Variants in SP4 observed in about 807,000 individuals in gnomAD.
The protein encoded by SP4 is transcription factor Sp4.
In SP4, 19 loss-of-function variants were observed where a neutral mutation model predicts 72.8. That is an observed-to-expected ratio of 0.26 (90% CI 0.18 to 0.38). The LOEUF (loss-of-function observed/expected upper bound fraction) is 0.38. Among genes scored for constraint, SP4 ranks in the 10% least tolerant of loss-of-function variants. The probability of loss-of-function intolerance (pLI) is 1.00; values close to 1 mark genes in which losing one functional copy is unlikely to be tolerated. For synonymous variants in SP4, 395 were observed against 333.1 expected (o/e 1.19, Z -2.02); for missense variants, 1,008 against 926.3 (o/e 1.09, Z -1.14).
intron 3 of SP4, among the ~76,000 whole-genome samples, chr7:21,441,718 G>A (rs1783250562): frequency 6.6e-6 from 1 of 152,168 alleles, no homozygotes; most frequent in Admixed American, 6.6e-5. Context: ...TGGTAGTGAA[G>A]TAAATGGTTA....
chr7:21,481,795 A>T, intron 4 of SP4, 129 bp from the exon 5 acceptor site: 1 of 675,302 alleles, frequency 1.5e-6, no homozygotes, highest in Non-Finnish European at 2.6e-6. Flanking sequence ...TTTGAACTAC[A>T]GTTATGGCAT....
chr7:21,492,679 C>G (rs1785011243), intron 5 of SP4, among the ~76,000 whole-genome samples: 1 of 152,196 alleles, frequency 6.6e-6, no homozygotes, highest in African/African-American at 2.4e-5. Context: ...TCAAATCAAT[C>G]ATTACACTAA....
At chr7:21,468,201 A>G (rs778534365) in intron 3 of SP4, among the ~76,000 whole-genome samples, 10 of 152,138 alleles carry the variant, frequency 6.6e-5, no homozygotes, top group Admixed American at 2.0e-4. Flanking sequence ...ACCTTATTTT[A>G]ATTACTGTAG....
chr7:21,439,523 T>G (rs975769970), intron 3 of SP4, among the ~76,000 whole-genome samples: 1 of 152,050 alleles, frequency 6.6e-6, no homozygotes, highest in African/African-American at 2.4e-5. Context: ...CCTTTTTTTT[T>G]TTTTCCATGA....
At chr7:21,482,596 T>C in intron 5 of SP4, 6 of 957,126 alleles carry the variant, frequency 6.3e-6, no homozygotes, top group Non-Finnish European at 7.5e-6. Flanking sequence ...ATTTTCTGCT[T>C]TTTTTCAAAT....
chr7:21,447,893 A>G (rs1206127132), intron 3 of SP4, among the ~76,000 whole-genome samples: 1 of 152,160 alleles, frequency 6.6e-6, no homozygotes, highest in Non-Finnish European at 1.5e-5. Flanking sequence ...CATCTTGGCT[A>G]GCCTGGGCTT....
At chr7:21,474,975 G>A (rs1322530573) in intron 3 of SP4, among the ~76,000 whole-genome samples, 1 of 152,222 alleles carries the variant, frequency 6.6e-6, no homozygotes, top group Non-Finnish European at 1.5e-5. Context: ...GGGAGAGTCA[G>A]AGGTTTAATT....
In SP4 at chr7:21,430,311, A is replaced by T; in HGVS notation, c.1146A>T (p.Gly382=). ...GCTCCAGTCAGCTTCAGCCTAATGG[A>T]ATGCAGAATGCACAGGATCAATCAA... ...AQSSSQLQPN[G]MQNAQDQSNS... is the part of the protein sequence containing the mutation. Residue 382 remains glycine (G), a synonymous_variant, in exon 3 of 6, where the codon GGA becomes GGT. Transcript: ENST00000222584. The T allele has an allele frequency of 6.2e-7, 1 of 1,614,228 alleles. No homozygotes were observed. Among genetic ancestry groups the T allele is most frequent in the East Asian group, 2.2e-5 (1 of 44,888 alleles).
chr7:21,436,627 A>G (rs554521956), intron 3 of SP4, among the ~76,000 whole-genome samples: 1 of 152,298 alleles, frequency 6.6e-6, no homozygotes, highest in African/African-American at 2.4e-5. Flanking sequence ...ATCAGAGTGT[A>G]CACATATATG....
intron 3 of SP4, among the ~76,000 whole-genome samples, chr7:21,469,247 G>T (rs1784256864): frequency 6.6e-6 from 1 of 151,956 alleles, no homozygotes; most frequent in Non-Finnish European, 1.5e-5. Context: ...GGATAATACA[G>T]AATTTTTATA....
chr7:21,498,228 CTATT>C (rs760241535), intron 5 of SP4, among the ~76,000 whole-genome samples: 19 of 151,954 alleles, frequency 1.3e-4, no homozygotes, highest in Non-Finnish European at 2.6e-4. Context: ...AATATAACAA[CTATT>C]TATATTAGTC....
intron 5 of SP4, among the ~76,000 whole-genome samples, chr7:21,486,534 G>A (rs564185539): frequency 1.8e-4 from 27 of 151,930 alleles, no homozygotes; most frequent in Admixed American, 4.6e-4. Context: ...AGTGGTTTTG[G>A]TATTTTTAGA....
chr7:21,477,109 T>C lies in SP4; in HGVS notation c.1709T>C (p.Val570Ala). The part of the protein sequence containing the change: ...GQQQGQDGVK[V>A]QQATIAPVTV... ...CAGCAAGGACAAGATGGAGTAAAAG[T>C]CCAGCAAGCTACTATAGCTCCTGTA... is the stretch of plus-strand genomic sequence containing the variant. Residue 570 changes from valine (V) to alanine (A), a missense_variant, in exon 4 of 6, where the codon GTC becomes GCC. Val to Ala is a moderately conservative substitution (Grantham distance 64). This residue lies in a region of SP4 where 893 missense variants were observed against 743.3 expected (regional missense o/e 1.20). Coordinates refer to ENST00000222584, the MANE Select transcript of SP4 (RefSeq NM_003112.5). 2 of 1,614,080 alleles carry C rather than the reference T, an allele frequency of 1.2e-6. No individual in the cohort carries two copies. The highest frequency in any genetic ancestry group is 8.5e-7 in the Non-Finnish European group (1 of 1,179,936).
At chr7:21,488,479 C>CTTTTTTTTTTT (rs59893862) in intron 5 of SP4, among the ~76,000 whole-genome samples, 9 of 133,228 alleles carry the variant, frequency 6.8e-5, no homozygotes, top group East Asian at 2.2e-4. Flanking sequence ...ACTTCCTTTC[C>CTTTTTTTTTTT]TTTTTTTTTT....
chr7:21,476,146 C>T (rs137901886), intron 3 of SP4, among the ~76,000 whole-genome samples: 2,263 of 152,016 alleles, frequency 0.015, 63 homozygotes, highest in East Asian at 0.12. Flanking sequence ...TGGTGGCACA[C>T]GCCTGTCATC....
chr7:21,451,254 G>A (rs1477699501), intron 3 of SP4, among the ~76,000 whole-genome samples: 1 of 152,174 alleles, frequency 6.6e-6, no homozygotes, highest in African/African-American at 2.4e-5. Context: ...GATCTTATCA[G>A]GAAGCTGCTG....
intron 3 of SP4, among the ~76,000 whole-genome samples, chr7:21,457,792 T>C (rs577346646): frequency 6.6e-6 from 1 of 152,090 alleles, no homozygotes; most frequent in African/African-American, 2.4e-5. Context: ...TGTGTATGCA[T>C]GTGTGTGTTT....
chr7:21,474,593 G>A (rs542659053), intron 3 of SP4, among the ~76,000 whole-genome samples: 2 of 152,132 alleles, frequency 1.3e-5, no homozygotes, highest in Non-Finnish European at 2.9e-5. Flanking sequence ...TATACCTTTT[G>A]TTTATGTATT....
In SP4 at chr7:21,448,049, C is replaced by T. The variant is rs1421095788; in HGVS notation, c.1678+17206C>T. On this transcript the variant is annotated intron_variant, in intron 3 of 5. Transcript: ENST00000222584. Reference sequence around the variant, plus strand: ...GTCAAAGGATGCATTTACAGAATGACCCCCCGTGAAGAATTTTTTGAATTA... The same window carrying T: ...GTCAAAGGATGCATTTACAGAATGATCCCCCGTGAAGAATTTTTTGAATTA... Among the ~76,000 whole-genome samples, 3 of 152,078 alleles carry T rather than the reference C, an allele frequency of 2.0e-5. No homozygotes were observed. In the East Asian group the frequency reaches 5.8e-4, roughly 29 times the overall value.
Sources: gnomAD v4.1 joint callset for allele counts (sites outside exome capture counted in the v4.1 genomes callset) on GRCh38, gnomAD v4.1.1 for gene constraint, gnomAD v4.1.1 regional missense constraint, MANE v1.5 for transcripts, NCBI Gene and HGNC (gene_info 2026-07-23, HGNC 2026-07-21) for gene names.